The following SOX6 variants were observed in gnomAD, a reference collection of about 807,000 sequenced individuals.
The protein encoded by SOX6 is SRY-box transcription factor 6, also known as transcription factor SOX-6.
SOX6 carries 11 observed loss-of-function variants against 97.8 expected under a neutral mutation model. The ratio of observed to expected loss-of-function variants is 0.11; its 90% confidence interval spans 0.07 to 0.19. SOX6 has a LOEUF of 0.19. Ranked by LOEUF, SOX6 falls within the 10% of genes least tolerant of loss-of-function variation. The pLI is 1.00. For missense variants in SOX6, 810 were observed against 1,039.5 expected, an observed-to-expected ratio of 0.78 and a Z score of 3.04; for synonymous variants, 360 against 371.4, an observed-to-expected ratio of 0.97 and a Z score of 0.35.
At chr11:16,192,746 T>C (rs984979016) in intron 4 of SOX6, among the ~76,000 whole-genome samples, 1 of 151,972 alleles carries the variant, frequency 6.6e-6, no homozygotes, top group African/African-American at 2.4e-5. Flanking sequence ...GCATGAAAAA[T>C]TAAAATAAAA....
At chr11:16,190,591 T>C (rs1361116824) in intron 4 of SOX6, among the ~76,000 whole-genome samples, 1 of 152,204 alleles carries the variant, frequency 6.6e-6, no homozygotes, top group Non-Finnish European at 1.5e-5. Context: ...TTGAGCATCC[T>C]CAGATTTTTT....
intron 2 of SOX6, among the ~76,000 whole-genome samples, chr11:16,722,876 T>A (rs1482512053): frequency 6.6e-6 from 1 of 152,194 alleles, no homozygotes; most frequent in Non-Finnish European, 1.5e-5. Context: ...ATGCTGCTGG[T>A]GGGAGCGTAA....
intron 14 of SOX6, among the ~76,000 whole-genome samples, chr11:15,988,512 T>C (rs1317028893): frequency 6.6e-6 from 1 of 152,230 alleles, no homozygotes; most frequent in Non-Finnish European, 1.5e-5. Flanking sequence ...ATGAATTTCA[T>C]ACCATTTTGG....
chr11:16,473,312 A>G (rs1306037631), intron 1 of SOX6, among the ~76,000 whole-genome samples: 1 of 152,234 alleles, frequency 6.6e-6, no homozygotes, highest in Admixed American at 6.5e-5. Flanking sequence ...TTCCCAGTGC[A>G]TATAAGTTAT....
chr11:16,515,695 TC>T (rs1860960389), intron 4 of SOX6, among the ~76,000 whole-genome samples: 1 of 122,712 alleles, frequency 8.1e-6, no homozygotes, highest in African/African-American at 3.1e-5. Context: ...AACGTTTAAG[TC>T]TTTAATCCAT....
At chr11:16,010,074 C>G (rs1398387494) in intron 13 of SOX6, among the ~76,000 whole-genome samples, 1 of 137,384 alleles carries the variant, frequency 7.3e-6, no homozygotes, top group Non-Finnish European at 1.5e-5. Context: ...AGAGCTTAAG[C>G]CGAAAATAAA....
intron 1 of SOX6, among the ~76,000 whole-genome samples, chr11:16,443,368 C>T (rs2133087971): frequency 6.6e-6 from 1 of 152,234 alleles, no homozygotes; most frequent in East Asian, 1.9e-4. Context: ...ATTTCAGGCT[C>T]TCCATAAATG....
At chr11:16,278,351 A>T (rs1390009923) in intron 3 of SOX6, among the ~76,000 whole-genome samples, 1 of 152,194 alleles carries the variant, frequency 6.6e-6, no homozygotes, top group African/African-American at 2.4e-5. Context: ...CCAACAAGGC[A>T]TAATTGCCTA....
chr11:16,209,778 T>A (rs986342726), intron 4 of SOX6, among the ~76,000 whole-genome samples: 24 of 151,504 alleles, frequency 1.6e-4, no homozygotes, highest in African/African-American at 3.4e-4. Flanking sequence ...TTATATATAT[T>A]TTTTTTTCTG....
intron 3 of SOX6, among the ~76,000 whole-genome samples, chr11:16,640,150 T>C (rs898065188): frequency 6.6e-6 from 1 of 152,258 alleles, no homozygotes; most frequent in African/African-American, 2.4e-5. Flanking sequence ...AGGCCTTTTC[T>C]GCATCTATAG....
intron 4 of SOX6, among the ~76,000 whole-genome samples, chr11:16,506,779 C>G (rs1419192708): frequency 6.6e-6 from 1 of 152,084 alleles, no homozygotes; most frequent in Non-Finnish European, 1.5e-5. Context: ...AAGTGTGTAA[C>G]ACAGCCAGGC....
intron 3 of SOX6, among the ~76,000 whole-genome samples, chr11:16,637,620 G>A (rs1180028775): frequency 1.3e-5 from 2 of 152,142 alleles, no homozygotes; most frequent in East Asian, 1.9e-4. Flanking sequence ...GTAAATGATT[G>A]AACTACTATA....
intron 15 of SOX6, among the ~76,000 whole-genome samples, chr11:15,985,893 C>T (rs1397963952): frequency 6.6e-6 from 1 of 152,094 alleles, no homozygotes; most frequent in Non-Finnish European, 1.5e-5. Context: ...ATTTTTCCTC[C>T]CTGTGTATCT....
At chr11:16,298,516 A>C (rs1855163221) in intron 3 of SOX6, among the ~76,000 whole-genome samples, 1 of 152,098 alleles carries the variant, frequency 6.6e-6, no homozygotes, top group Admixed American at 6.6e-5. Context: ...TGTTTGGAAA[A>C]GTAAAAATAA....
chr11:16,074,141 A>G (rs12360711), intron 9 of SOX6, among the ~76,000 whole-genome samples: 8,316 of 152,248 alleles, frequency 0.055, 482 homozygotes, highest in Admixed American at 0.18. Context: ...AAAACCATAC[A>G]AAAAATCAAC....
At chr11:16,327,225 C>T (rs1856126095) in intron 2 of SOX6, among the ~76,000 whole-genome samples, 1 of 152,112 alleles carries the variant, frequency 6.6e-6, no homozygotes, top group African/African-American at 2.4e-5. Context: ...ATAATTATAT[C>T]TTCAAATCGT....
intron 4 of SOX6, among the ~76,000 whole-genome samples, chr11:16,550,368 G>A (rs996993570): frequency 1.3e-5 from 2 of 152,066 alleles, no homozygotes; most frequent in Admixed American, 6.6e-5. Flanking sequence ...TAATGTAAAT[G>A]ACGAGTTAAT....
chr11:16,301,151 T>C (rs1441345152), intron 3 of SOX6, among the ~76,000 whole-genome samples: 1 of 152,158 alleles, frequency 6.6e-6, no homozygotes, highest in African/African-American at 2.4e-5. Context: ...CAAACTTATA[T>C]GAAATAAGAC....
At chr11:16,600,207 T>C (rs1480466328) in intron 4 of SOX6, among the ~76,000 whole-genome samples, 2 of 152,200 alleles carry the variant, frequency 1.3e-5, no homozygotes, top group Non-Finnish European at 2.9e-5. Flanking sequence ...GCTTCAGATA[T>C]ATTGCCTTTG....
Sources: allele counts gnomAD v4.1 joint callset (sites outside exome capture counted in the v4.1 genomes callset), GRCh38; gene constraint gnomAD v4.1.1; transcripts MANE v1.5; gene names NCBI Gene and HGNC (gene_info 2026-07-23, HGNC 2026-07-21).